PIP5K1C: variants seen among roughly 807,000 people sequenced by gnomAD.
PIP5K1C encodes phosphatidylinositol-4-phosphate 5-kinase type 1 gamma.
PIP5K1C carries 45 observed loss-of-function variants against 80.1 expected under a neutral mutation model. The observed-to-expected ratio is 0.56, with a 90% CI of 0.44 to 0.72. The LOEUF (loss-of-function observed/expected upper bound fraction) is 0.72, where lower values mean the gene tolerates loss of function less well. PIP5K1C is among the 30% of genes least tolerant of loss of function. The pLI is 0.00. For synonymous variants in PIP5K1C, 498 were observed against 420.1 expected, an observed-to-expected ratio of 1.19 and a Z score of -2.27; for missense variants, 753 against 954.6, an observed-to-expected ratio of 0.79 and a Z score of 2.78.
intron 1 of PIP5K1C, among the ~76,000 whole-genome samples, chr19:3,695,165 T>C (rs550416838): frequency 6.6e-6 from 1 of 152,258 alleles, no homozygotes; most frequent in East Asian, 1.9e-4. Flanking sequence ...GGCAGTCCCG[T>C]TAGCACCAGA....
rs558698273 is a variant in PIP5K1C, at chr19:3,643,193, C to A, written c.1649+50G>T. The stretch of plus-strand genomic sequence containing the variant: ...CCCACATGCAGTGAATGCCCCGCCC[C>A]CACGCACAGCGGATGCCCCGCCCAC... On this transcript the variant is annotated intron_variant, in intron 13 of 17. Transcript: ENST00000335312. The A allele has an allele frequency of 5.6e-5, 90 of 1,608,396 alleles. No homozygotes were observed. In the African/African-American group the frequency reaches 1.1e-3, roughly 19 times the overall value.
intron 9 of PIP5K1C, 115 bp from the exon 10 acceptor site, chr19:3,647,501 G>A (rs988906112): frequency 9.8e-5 from 89 of 911,444 alleles, no homozygotes; most frequent in Non-Finnish European, 1.4e-4. Context: ...TCAAGCAGTC[G>A]TGGCTGTCAA....
chr19:3,687,277 G>A (rs1568358027), intron 1 of PIP5K1C, among the ~76,000 whole-genome samples: 1 of 152,126 alleles, frequency 6.6e-6, no homozygotes, highest in Non-Finnish European at 1.5e-5. Context: ...TAGGAGAATT[G>A]CTTGAACCTG....
chr19:3,697,694 C>T lies in PIP5K1C; in HGVS notation c.94+2603G>A, dbSNP rs192986575. Among the ~76,000 whole-genome samples, 14 of 152,300 alleles carry T rather than the reference C, an allele frequency of 9.2e-5. No homozygotes were observed. In the East Asian group the frequency reaches 2.5e-3, roughly 27 times the overall value. Reference sequence around the variant, plus strand: ...CAGGGCATCACAGAGACAGATCAGCCGTGGGAGTGGGGCAGGGGCAGGGAT... The same window carrying T: ...CAGGGCATCACAGAGACAGATCAGCTGTGGGAGTGGGGCAGGGGCAGGGAT... On this transcript the variant is annotated intron_variant, in intron 1 of 17. Transcript: ENST00000335312.
intron 3 of PIP5K1C, among the ~76,000 whole-genome samples, chr19:3,662,503 G>A (rs1389113506): frequency 6.6e-6 from 1 of 152,220 alleles, no homozygotes; most frequent in Non-Finnish European, 1.5e-5. Flanking sequence ...CCTGCCTGTA[G>A]ACAGGGATGG....
chr19:3,647,486 T>C (rs909401718), intron 9 of PIP5K1C, 100 bp from the exon 10 acceptor site: 20 of 1,026,386 alleles, frequency 1.9e-5, no homozygotes, highest in African/African-American at 3.2e-5. Context: ...CACTGGGCCA[T>C]GGCCTCAAGC....
At chr19:3,678,450 G>A (rs891534393) in intron 1 of PIP5K1C, among the ~76,000 whole-genome samples, 2 of 128,576 alleles carry the variant, frequency 1.6e-5, no homozygotes, top group East Asian at 2.6e-4. Flanking sequence ...AGAGATGGAG[G>A]ATGGAGGGAT....
In PIP5K1C at chr19:3,631,664, T is replaced by G. The variant is rs904697191; in HGVS notation, c.*1503A>C. Reference sequence around the variant, plus strand: ...GTGTCCTCGCTGGGGACCTCGGGGATGGGTCCGGCTTCTCCACAGCAGGGG... The same window carrying G: ...GTGTCCTCGCTGGGGACCTCGGGGAGGGGTCCGGCTTCTCCACAGCAGGGG... On this transcript the variant is annotated 3_prime_UTR_variant, in exon 18 of 18. Coordinates refer to ENST00000335312, the MANE Select transcript of PIP5K1C (RefSeq NM_012398.3). 6.6e-6 allele frequency: 1 copy of G among 152,242 alleles called. No homozygotes were observed. Among genetic ancestry groups the G allele is most frequent in the Non-Finnish European group, 1.5e-5 (1 of 68,096 alleles). 9.4% of individuals were successfully genotyped at this position (152,242 alleles called of 1,614,324 possible).
chr19:3,673,493 T>A (rs1241159385), intron 1 of PIP5K1C, among the ~76,000 whole-genome samples: 1 of 152,092 alleles, frequency 6.6e-6, no homozygotes, highest in African/African-American at 2.4e-5. Context: ...GGGGCGGCAG[T>A]GGGACCCAGG....
chr19:3,695,287 G>C (rs567858376), intron 1 of PIP5K1C, among the ~76,000 whole-genome samples: 1 of 152,190 alleles, frequency 6.6e-6, no homozygotes, highest in African/African-American at 2.4e-5. Context: ...GGACCCCAGC[G>C]CCCAGGTGAG....
chr19:3,697,974 G>A (rs1341111810), intron 1 of PIP5K1C, among the ~76,000 whole-genome samples: 2 of 152,246 alleles, frequency 1.3e-5, no homozygotes, highest in Admixed American at 6.5e-5. Flanking sequence ...AAACACCAAC[G>A]AGACATTGCT....
chr19:3,637,472 C>T lies in PIP5K1C; in HGVS notation c.1920+1412G>A, dbSNP rs2033743404. On this transcript the variant is annotated intron_variant, in intron 16 of 17. Coordinates refer to ENST00000335312, the MANE Select transcript of PIP5K1C (RefSeq NM_012398.3). The surrounding 1 kb of genome is among the most constrained non-coding windows in gnomAD (Gnocchi z 7.0). ...CACTGAGCTTCCGGCCGGGGACCTG[C>T]GGCTCCCTGCTGCCCGAGGGGCACT... The T allele has an allele frequency of 8.5e-6, 13 of 1,535,670 alleles. No individual in the cohort carries two copies. Among genetic ancestry groups the T allele is most frequent in the South Asian group, 4.8e-5 (4 of 84,052 alleles).
intron 15 of PIP5K1C, among the ~76,000 whole-genome samples, chr19:3,640,072 T>C (rs376859035): frequency 6.6e-6 from 1 of 152,172 alleles, no homozygotes; most frequent in African/African-American, 2.4e-5. Context: ...AGGGCTTTAG[T>C]TTTGGGTCTA....
At chr19:3,638,620 T>G (rs951960098) in intron 16 of PIP5K1C, among the ~76,000 whole-genome samples, 1 of 151,904 alleles carries the variant, frequency 6.6e-6, no homozygotes, top group African/African-American at 2.4e-5. Context: ...GGGGTGGCTC[T>G]GGGGCCTCAG....
intron 16 of PIP5K1C, among the ~76,000 whole-genome samples, chr19:3,638,361 G>T (rs969674922): frequency 6.6e-6 from 1 of 152,122 alleles, no homozygotes; most frequent in Admixed American, 6.5e-5. Flanking sequence ...GCGTGGGAGC[G>T]TGAAGCCCTC....
chr19:3,657,107 T>C (rs973335137), intron 5 of PIP5K1C, among the ~76,000 whole-genome samples: 1 of 152,168 alleles, frequency 6.6e-6, no homozygotes, highest in African/African-American at 2.4e-5. Context: ...AAGCTGCATC[T>C]CTGATGGGCA....
intron 1 of PIP5K1C, among the ~76,000 whole-genome samples, chr19:3,682,951 C>A (rs2035632552): frequency 6.8e-6 from 1 of 146,762 alleles, no homozygotes; most frequent in Admixed American, 6.8e-5. Flanking sequence ...CCCCTCCCCT[C>A]CCCTCCTGTC....
At chr19:3,669,610 G>C (rs1189631935) in intron 1 of PIP5K1C, 1 of 152,288 alleles carries the variant, frequency 6.6e-6, no homozygotes, top group Non-Finnish European at 1.5e-5. Context: ...GACGCGGAAA[G>C]AGATGCTCAG....
Position 3,645,941 on chromosome 19 carries a change from T to C in PIP5K1C, c.1345+33A>G, listed in dbSNP as rs1449005727. 5.8e-6 allele frequency: 9 copies of C among 1,558,492 alleles called. No individual in the cohort carries two copies. The African/African-American group carries it at 1.2e-4, about 21-fold the overall frequency. On this transcript the variant is annotated intron_variant, in intron 11 of 17. Transcript: ENST00000335312. ...ACGGCGCTCTGGGCCTTCCCCAGGG[T>C]CCCTCCCGCCTTGCGGGGCTCAGGT...
Sources: gnomAD v4.1 joint callset for allele counts (sites outside exome capture counted in the v4.1 genomes callset) on GRCh38, gnomAD v4.1.1 for gene constraint, Gnocchi (gnomAD v3.1) non-coding constraint, MANE v1.5 for transcripts, NCBI Gene and HGNC (gene_info 2026-07-23, HGNC 2026-07-21) for gene names.